Variants in SLIT2 observed in about 807,000 individuals in gnomAD.
SLIT2 encodes slit homolog 2 protein.
SLIT2 carries 41 observed loss-of-function variants against 185.7 expected under a neutral mutation model. The observed-to-expected ratio is 0.22, with a 90% CI of 0.17 to 0.29. SLIT2 has a LOEUF of 0.29. SLIT2 is among the 10% of genes least tolerant of loss of function. The pLI, the probability that SLIT2 is intolerant of heterozygous loss-of-function variation, is 1.00. For missense variants in SLIT2, 1,571 were observed against 1,909.0 expected, an observed-to-expected ratio of 0.82 and a Z score of 3.30; for synonymous variants, 693 against 680.2, an observed-to-expected ratio of 1.02 and a Z score of -0.29.
At chr4:20,508,847 C>G (rs1719442824) in intron 9 of SLIT2, among the ~76,000 whole-genome samples, 1 of 151,742 alleles carries the variant, frequency 6.6e-6, no homozygotes, top group Non-Finnish European at 1.5e-5. Flanking sequence ...CTGAGGAAAC[C>G]CATTGAATGG....
chr4:20,494,116 T>C (rs760792300), intron 9 of SLIT2, among the ~76,000 whole-genome samples: 1 of 152,252 alleles, frequency 6.6e-6, no homozygotes, highest in Non-Finnish European at 1.5e-5. Flanking sequence ...ATTGGTCTGA[T>C]GGCTGTGTGC....
At chr4:20,564,810 T>C (rs1013768606) in intron 26 of SLIT2, among the ~76,000 whole-genome samples, 5 of 151,528 alleles carry the variant, frequency 3.3e-5, no homozygotes, top group Non-Finnish European at 5.9e-5. Context: ...AAACTGAACA[T>C]ATATGAGGAG....
intron 12 of SLIT2, among the ~76,000 whole-genome samples, chr4:20,519,767 C>T (rs1403736337): frequency 6.6e-6 from 1 of 151,704 alleles, no homozygotes; most frequent in African/African-American, 2.4e-5. Context: ...TAGTTGGAAC[C>T]GAGAAAAATA....
chr4:20,317,764 A>G (rs1718725600), intron 4 of SLIT2, among the ~76,000 whole-genome samples: 1 of 152,068 alleles, frequency 6.6e-6, no homozygotes, highest in Admixed American at 6.6e-5. Flanking sequence ...TACAAAGGCC[A>G]AAGCTTGACC....
Position 20,484,234 on chromosome 4 carries a change from A to AT in SLIT2, c.540-1965dup, listed in dbSNP as rs1343105163. On this transcript the variant is annotated intron_variant, in intron 6 of 36. Transcript: ENST00000504154. This position sits in a 1 kb window ranked among gnomAD's most constrained non-coding sequence, Gnocchi z 4.3. ...GCTATATACTATAAAGATTTTAGCC[A>AT]TATTAAGTCAGCATAAATTTTGAGG... Among the ~76,000 whole-genome samples the AT allele has an allele frequency of 6.6e-6, 1 of 152,166 alleles. No homozygotes were observed. Among genetic ancestry groups the AT allele is most frequent in the Non-Finnish European group, 1.5e-5 (1 of 68,018 alleles).
At chr4:20,358,138 T>C (rs1028581878) in intron 4 of SLIT2, among the ~76,000 whole-genome samples, 4 of 152,130 alleles carry the variant, frequency 2.6e-5, no homozygotes, top group Non-Finnish European at 5.9e-5. Context: ...ACCTATCCCT[T>C]CATGTTCTCT....
intron 4 of SLIT2, among the ~76,000 whole-genome samples, chr4:20,346,110 G>A (rs1461732754): frequency 6.6e-6 from 1 of 151,842 alleles, no homozygotes; most frequent in African/African-American, 2.4e-5. Context: ...CTCCCATCTC[G>A]GCCTCCCAAG....
chr4:20,405,194 A>ATT (rs1240261213), intron 4 of SLIT2, among the ~76,000 whole-genome samples: 3 of 150,606 alleles, frequency 2.0e-5, no homozygotes, highest in African/African-American at 7.4e-5. Context: ...TACACTGCCT[A>ATT]TTATATATAT....
chr4:20,592,041 G>C (rs533397735), intron 30 of SLIT2, among the ~76,000 whole-genome samples: 1 of 152,080 alleles, frequency 6.6e-6, no homozygotes, highest in African/African-American at 2.4e-5. Context: ...AGCAGAAAAC[G>C]GTTAGGTCAG....
chr4:20,267,277 T>C (rs1393200925), intron 3 of SLIT2, among the ~76,000 whole-genome samples: 1 of 152,044 alleles, frequency 6.6e-6, no homozygotes, highest in Non-Finnish European at 1.5e-5. Flanking sequence ...TACCTTGTTA[T>C]GTGCTTCATT....
rs756640050 is a variant in SLIT2, at chr4:20,616,983, C to T, written c.3921C>T (p.Cys1307=). The T allele has an allele frequency of 9.3e-6, 15 of 1,613,966 alleles. No homozygotes were observed. The highest frequency in any genetic ancestry group is 1.6e-4 in the Middle Eastern group (1 of 6,084). The change falls in exon 35 of 37, where the codon TGC becomes TGT. Residue 1307 remains cysteine (C), a synonymous_variant. Transcript: ENST00000504154. ...PGQNGTSFHG[C]IRNLYINSEL... The stretch of plus-strand genomic sequence containing the variant: ...AGAACGGAACCAGCTTCCACGGCTG[C>T]ATCCGGAACCTTTACATCAACAGTG...
chr4:20,511,596 T>TTTTTTTTTTTTTTA (rs1220710184), intron 11 of SLIT2, among the ~76,000 whole-genome samples: 4 of 138,574 alleles, frequency 2.9e-5, no homozygotes, highest in Admixed American at 1.5e-4. Context: ...AATTTTTTTT[T>TTTTTTTTTTTTTTA]TTTTTTTATT....
At position 20,332,884 on chromosome 4, in the gene SLIT2, GAC is replaced by G. The variant is rs541071461; in HGVS notation, c.395+64005_395+64006del. On this transcript the variant is annotated intron_variant, in intron 4 of 36. Transcript: ENST00000504154. ...CTGGACGTGGCATAAGTTTTTATGA[GAC>G]ATATTTTAGGGGCAGAAAAGGGAAA... 5.0e-4 allele frequency among the ~76,000 whole-genome samples: 76 copies of G among 152,182 alleles called. No individual in the cohort carries two copies. In the South Asian group the frequency reaches 0.015, roughly 29 times the overall value.
intron 4 of SLIT2, among the ~76,000 whole-genome samples, chr4:20,317,709 G>C (rs901254292): frequency 6.6e-6 from 1 of 151,914 alleles, no homozygotes; most frequent in Non-Finnish European, 1.5e-5. Context: ...TGGTGGTTTC[G>C]TGCTTAGTTA....
chr4:20,421,318 C>A (rs949943771), intron 4 of SLIT2, among the ~76,000 whole-genome samples: 1 of 152,086 alleles, frequency 6.6e-6, no homozygotes, highest in African/African-American at 2.4e-5. Flanking sequence ...CTTAGAATTC[C>A]CAGGCTTGCC....
Position 20,491,677 on chromosome 4 carries a change from C to G in SLIT2, c.776-84C>G. ...TAAAGAGATTTATTTATGTGAAATG[C>G]TTTGTTACTTGAGCTAAGTTTGTCT... On this transcript the variant is annotated intron_variant, in intron 8 of 36. Coordinates refer to ENST00000504154, the MANE Select transcript of SLIT2 (RefSeq NM_004787.4). 3 of 1,145,518 alleles carry G rather than the reference C, an allele frequency of 2.6e-6. No individual in the cohort carries two copies. In the South Asian group the frequency reaches 4.6e-5, roughly 17 times the overall value. 71.0% of individuals were successfully genotyped at this position (1,145,518 alleles called of 1,614,324 possible).
At chr4:20,491,657 A>T in intron 8 of SLIT2, 104 bp from the exon 9 acceptor site, 1 of 922,596 alleles carries the variant, frequency 1.1e-6, no homozygotes, top group Non-Finnish European at 1.7e-6. Flanking sequence ...GTATTTAAAG[A>T]GATTTATTTA....
At chr4:20,294,342 C>G (rs1716262162) in intron 4 of SLIT2, among the ~76,000 whole-genome samples, 1 of 140,356 alleles carries the variant, frequency 7.1e-6, no homozygotes, top group Non-Finnish European at 1.5e-5. Context: ...GAGTGAGACT[C>G]TGTCTCAAAA....
intron 4 of SLIT2, among the ~76,000 whole-genome samples, chr4:20,409,072 C>T (rs1420735400): frequency 1.3e-5 from 2 of 151,490 alleles, no homozygotes; most frequent in African/African-American, 4.9e-5. Flanking sequence ...CTTTTAATTT[C>T]CAACTTTTGT....
Sources: gnomAD v4.1 joint callset for allele counts (sites outside exome capture counted in the v4.1 genomes callset) on GRCh38, gnomAD v4.1.1 for gene constraint, Gnocchi (gnomAD v3.1) non-coding constraint, MANE v1.5 for transcripts, NCBI Gene and HGNC (gene_info 2026-07-23, HGNC 2026-07-21) for gene names.